Variants in TRIM55 observed in about 807,000 individuals in gnomAD.
TRIM55 encodes tripartite motif-containing protein 55.
A neutral mutation model predicts 60.9 loss-of-function variants in TRIM55; 50 were observed. The ratio of observed to expected loss-of-function variants is 0.82; its 90% CI spans 0.65 to 1.04. The LOEUF is 1.04. TRIM55 is among the 50% of genes least tolerant of loss of function. The pLI, the probability that TRIM55 is intolerant of heterozygous loss-of-function variation, is 0.00. For missense variants in TRIM55, 681 were observed against 666.9 expected (o/e 1.02, Z -0.23); for synonymous variants, 237 against 238.1 (o/e 1.00, Z 0.04).
chr8:66,169,165 A>T (rs897933295), intron 9 of TRIM55, among the ~76,000 whole-genome samples: 3 of 152,170 alleles, frequency 2.0e-5, no homozygotes, highest in Admixed American at 6.5e-5. Context: ...AAATGTGGCT[A>T]CCCAAACTTG....
At chr8:66,174,393 C>T in intron 9 of TRIM55, 78 bp from the exon 10 acceptor site, 5 of 1,305,536 alleles carry the variant, frequency 3.8e-6, no homozygotes, top group Non-Finnish European at 5.3e-6. Flanking sequence ...ATACTTTCTC[C>T]TCAATAGAAA....
intron 9 of TRIM55, among the ~76,000 whole-genome samples, chr8:66,167,526 A>G (rs1389602462): frequency 1.3e-5 from 2 of 152,130 alleles, no homozygotes; most frequent in Non-Finnish European, 2.9e-5. Flanking sequence ...TGGACAACAC[A>G]CTTAACACAA....
chr8:66,157,614 A>G (rs1810817593), intron 9 of TRIM55, among the ~76,000 whole-genome samples: 1 of 152,220 alleles, frequency 6.6e-6, no homozygotes, highest in Non-Finnish European at 1.5e-5. Flanking sequence ...CCCGTGTCAG[A>G]GTAATGCTGC....
intron 9 of TRIM55, among the ~76,000 whole-genome samples, chr8:66,171,379 A>C (rs1382153902): frequency 6.6e-6 from 1 of 152,190 alleles, no homozygotes; most frequent in African/African-American, 2.4e-5. Flanking sequence ...TTTGCTAAGG[A>C]TAATGGCCTC....
Position 66,127,327 on chromosome 8 carries a change from T to TAGAGA in TRIM55, c.62_66dup (p.Gln23ArgfsTer10). ...AAAGAGCAGCAGACCATGGATAACT[T>TAGAGA]AGAGAAGCAACTCATCTGTCCCATC... is the stretch of plus-strand genomic sequence containing the variant. On this transcript the variant is annotated frameshift_variant, in exon 1 of 10. Transcript: ENST00000315962. LOFTEE classifies it high-confidence loss of function. The TAGAGA allele has an allele frequency of 6.2e-7, 1 of 1,614,164 alleles. No individual in the cohort carries two copies. The highest frequency in any genetic ancestry group is 8.5e-7 in the Non-Finnish European group (1 of 1,180,016).
At position 66,137,159 on chromosome 8, in the gene TRIM55, G is replaced by A; in HGVS notation, c.572G>A (p.Ser191Asn). ...GSNDRVQGVI[S>N]QLEDTCKTIE... The stretch of plus-strand genomic sequence containing the variant: ...AACGATCGAGTCCAGGGAGTGATCA[G>A]CCAGCTGGAAGACACCTGCAAAACT... Residue 191 changes from serine (S) to asparagine (N), a missense_variant, in exon 4 of 10, where the codon AGC becomes AAC. Ser to Asn is a conservative substitution (Grantham distance 46). Transcript: ENST00000315962. The A allele has an allele frequency of 6.2e-7, 1 of 1,614,164 alleles. No homozygotes were observed. The highest frequency in any genetic ancestry group is 8.5e-7 in the Non-Finnish European group (1 of 1,180,030).
intron 9 of TRIM55, among the ~76,000 whole-genome samples, chr8:66,171,728 G>T (rs76213564): frequency 6.6e-6 from 1 of 152,146 alleles, no homozygotes; most frequent in Non-Finnish European, 1.5e-5. Flanking sequence ...ACTCCATCTC[G>T]GGAAGGCTGT....
chr8:66,144,004 C>G (rs997923876), intron 4 of TRIM55, among the ~76,000 whole-genome samples: 1 of 152,156 alleles, frequency 6.6e-6, no homozygotes, highest in African/African-American at 2.4e-5. Context: ...GTAAGGTCAT[C>G]TATTGTTGAT....
At chr8:66,158,140 ACCAC>A (rs1181540318) in intron 9 of TRIM55, among the ~76,000 whole-genome samples, 1 of 70,826 alleles carries the variant, frequency 1.4e-5, no homozygotes, top group African/African-American at 5.4e-5. Context: ...GGATCTCCCC[ACCAC>A]ACACACACAC....
chr8:66,132,972 G>A (rs889119870), intron 2 of TRIM55, among the ~76,000 whole-genome samples: 4 of 152,110 alleles, frequency 2.6e-5, no homozygotes, highest in African/African-American at 7.2e-5. Context: ...GCTCTATGAC[G>A]CAATCTCTGG....
chr8:66,167,403 A>C (rs1022154324), intron 9 of TRIM55, among the ~76,000 whole-genome samples: 1 of 152,192 alleles, frequency 6.6e-6, no homozygotes, highest in Admixed American at 6.5e-5. Flanking sequence ...CACTGTCTAC[A>C]TGACACAAAA....
intron 2 of TRIM55, among the ~76,000 whole-genome samples, chr8:66,134,082 A>T (rs896752604): frequency 6.6e-6 from 1 of 152,226 alleles, no homozygotes; most frequent in African/African-American, 2.4e-5. Context: ...TTTTATTTTA[A>T]CAATGCAGAT....
intron 7 of TRIM55, among the ~76,000 whole-genome samples, chr8:66,151,461 C>T (rs1810411041): frequency 6.6e-6 from 1 of 152,142 alleles, no homozygotes; most frequent in South Asian, 2.1e-4. Context: ...GCACCAACAT[C>T]CACAGACAAA....
chr8:66,167,528 T>A (rs777696494), intron 9 of TRIM55, among the ~76,000 whole-genome samples: 1 of 152,116 alleles, frequency 6.6e-6, no homozygotes, highest in African/African-American at 2.4e-5. Flanking sequence ...GACAACACAC[T>A]TAACACAAAC....
chr8:66,147,694 C>T (rs1810169681), intron 4 of TRIM55, among the ~76,000 whole-genome samples: 1 of 150,036 alleles, frequency 6.7e-6, no homozygotes, highest in Admixed American at 6.7e-5. Context: ...ACTCAGGAGC[C>T]TGAGGCAGGA....
intron 4 of TRIM55, among the ~76,000 whole-genome samples, chr8:66,144,173 A>G (rs1194786578): frequency 6.6e-6 from 1 of 152,140 alleles, no homozygotes. Context: ...AATGTTACCT[A>G]CTCACTTCTA....
chr8:66,118,537 TA>T, the TRIM55 span, among the ~76,000 whole-genome samples: 1 of 152,184 alleles, frequency 6.6e-6, no homozygotes, highest in South Asian at 2.1e-4. Context: ...TAGTATTTTG[TA>T]GATGTCATGG....
intron 9 of TRIM55, among the ~76,000 whole-genome samples, chr8:66,171,098 C>A (rs1010361413): frequency 1.3e-5 from 2 of 152,090 alleles, no homozygotes; most frequent in Non-Finnish European, 2.9e-5. Context: ...TTTTTAAAAA[C>A]ACTTTATTTT....
At position 66,154,148 on chromosome 8, in the gene TRIM55, T is replaced by C; in HGVS notation, c.1338T>C (p.Tyr446=). The change falls in exon 9 of 10, where the codon TAT becomes TAC. Residue 446 remains tyrosine, a synonymous_variant. Transcript: ENST00000315962. The part of the protein sequence containing the change: ...TADPLFYPSW[Y]KGQTRKATTN... Reference sequence around the variant, plus strand: ...ATCCCTTGTTTTACCCTAGTTGGTATAAAGGCCAAACCCGGAAAGCCACCA... The same window carrying C: ...ATCCCTTGTTTTACCCTAGTTGGTACAAAGGCCAAACCCGGAAAGCCACCA... The C allele has an allele frequency of 3.1e-6, 5 of 1,614,000 alleles. No homozygotes were observed. The highest frequency in any genetic ancestry group is 4.2e-6 in the Non-Finnish European group (5 of 1,179,994).
Sources: allele counts gnomAD v4.1 joint callset (sites outside exome capture counted in the v4.1 genomes callset), GRCh38; gene constraint gnomAD v4.1.1; transcripts MANE v1.5; gene names NCBI Gene and HGNC (gene_info 2026-07-23, HGNC 2026-07-21).